Variants in EFCAB5 observed in about 807,000 individuals in gnomAD.
EFCAB5 encodes EF-hand calcium binding domain 5.
A neutral mutation model predicts 167.9 loss-of-function variants in EFCAB5; 131 were observed. The observed-to-expected ratio is 0.78, with a 90% CI of 0.68 to 0.90. The LOEUF is 0.90. EFCAB5 is among the 40% of genes least tolerant of loss of function. The pLI, the probability that EFCAB5 is intolerant of heterozygous loss-of-function variation, is 0.00. For synonymous variants in EFCAB5, 574 were observed against 602.8 expected, an observed-to-expected ratio of 0.95 and a Z score of 0.70; for missense variants, 1,663 against 1,745.2, an observed-to-expected ratio of 0.95 and a Z score of 0.84.
chr17:30,031,004 T>C (rs2069465860), intron 7 of EFCAB5, among the ~76,000 whole-genome samples: 1 of 152,194 alleles, frequency 6.6e-6, no homozygotes, highest in Admixed American at 6.5e-5. Context: ...TTAAAATTGG[T>C]GTTCTTCCAA....
intron 14 of EFCAB5, among the ~76,000 whole-genome samples, chr17:30,062,612 T>G (rs1459766514): frequency 6.6e-6 from 1 of 152,172 alleles, no homozygotes; most frequent in Non-Finnish European, 1.5e-5. Flanking sequence ...CTACACCAGC[T>G]TGGGATTGGA....
intron 7 of EFCAB5, among the ~76,000 whole-genome samples, chr17:30,026,953 C>G (rs570015946): frequency 6.2e-4 from 80 of 128,524 alleles, no homozygotes; most frequent in Middle Eastern, 5.1e-3. Context: ...CCTTGTACCT[C>G]CTTGTACCTT....
At chr17:30,090,885 A>T (rs1198028004) in intron 20 of EFCAB5, among the ~76,000 whole-genome samples, 3 of 152,216 alleles carry the variant, frequency 2.0e-5, no homozygotes, top group Non-Finnish European at 4.4e-5. Flanking sequence ...TCATGGTTAG[A>T]TTCCTACAGT....
chr17:30,054,242 T>A (rs948378709), intron 10 of EFCAB5, 94 bp downstream of exon 10: 7 of 1,430,966 alleles, frequency 4.9e-6, no homozygotes, highest in Admixed American at 5.8e-5. Flanking sequence ...TTAGAATTTT[T>A]TTTCTGGCAT....
chr17:30,026,831 C>T (rs1465033183), intron 7 of EFCAB5, among the ~76,000 whole-genome samples: 1 of 152,016 alleles, frequency 6.6e-6, no homozygotes, highest in East Asian at 1.9e-4. Context: ...CTACTTCAGT[C>T]TCCCAGAGTT....
chr17:30,055,913 A>G lies in EFCAB5; in HGVS notation c.2220A>G (p.Lys740=). Reference sequence around the variant, plus strand: ...AAACTACAAAAAAGGAAGTTCAGAAAGACAAGCCCTGTGAACCCAAGTCCC... The same window carrying G: ...AAACTACAAAAAAGGAAGTTCAGAAGGACAAGCCCTGTGAACCCAAGTCCC... The part of the protein sequence containing the change: ...FPETTKKEVQ[K]DKPCEPKSQK... The change falls in exon 11 of 23, where the codon AAA becomes AAG. Residue 740 remains lysine (K), a synonymous_variant. Transcript: ENST00000394835. The G allele has an allele frequency of 6.2e-7, 1 of 1,613,372 alleles. No homozygotes were observed. Among genetic ancestry groups the G allele is most frequent in the Non-Finnish European group, 8.5e-7 (1 of 1,179,694 alleles).
intron 7 of EFCAB5, among the ~76,000 whole-genome samples, chr17:30,003,611 C>T (rs2068714592): frequency 6.6e-6 from 1 of 150,920 alleles, no homozygotes; most frequent in South Asian, 2.1e-4. Flanking sequence ...ATCCTCCCAC[C>T]TCAGCCTCCT....
At chr17:30,067,424 G>T (rs896859571) in intron 14 of EFCAB5, among the ~76,000 whole-genome samples, 7 of 151,908 alleles carry the variant, frequency 4.6e-5, no homozygotes, top group African/African-American at 1.7e-4. Context: ...AGACTAGTCT[G>T]GGCAACATAA....
At chr17:30,012,147 A>G (rs1275857603) in intron 7 of EFCAB5, among the ~76,000 whole-genome samples, 2 of 152,226 alleles carry the variant, frequency 1.3e-5, no homozygotes, top group Non-Finnish European at 2.9e-5. Flanking sequence ...ATTGCCAGGC[A>G]GACCGTGGTC....
In EFCAB5 at chr17:29,985,596, A is replaced by G. The variant is rs952483313; in HGVS notation, c.768-7569A>G. Among the ~76,000 whole-genome samples, 3 of 152,354 alleles carry G rather than the reference A, an allele frequency of 2.0e-5. No homozygotes were observed. In the South Asian group the frequency reaches 6.2e-4, roughly 32 times the overall value. On this transcript the variant is annotated intron_variant, in intron 4 of 22. Coordinates refer to ENST00000394835, the MANE Select transcript of EFCAB5 (RefSeq NM_198529.4). ...TGTTTCTATGGATTGTAGGTTAACTAAAATGGGAAACAAAGGGATGGGCTG... is the reference window on the plus strand; with the variant it reads ...TGTTTCTATGGATTGTAGGTTAACTGAAATGGGAAACAAAGGGATGGGCTG...
At chr17:30,100,254 A>G (rs993307122) in intron 22 of EFCAB5, among the ~76,000 whole-genome samples, 1 of 152,216 alleles carries the variant, frequency 6.6e-6, no homozygotes, top group Non-Finnish European at 1.5e-5. Flanking sequence ...CCTAGGGTAC[A>G]GTAGTGAATG....
Position 30,071,782 on chromosome 17 carries a change from G to C in EFCAB5, c.2738-6433G>C, listed in dbSNP as rs531613475. On this transcript the variant is annotated intron_variant, in intron 14 of 22. Transcript: ENST00000394835. ...ACAGATGAATGGATAAAGAAAATTT[G>C]GTCTATATATACAATGGAATAGTAT... Among the ~76,000 whole-genome samples the C allele has an allele frequency of 2.0e-5, 3 of 152,094 alleles. No homozygotes were observed. The South Asian group carries it at 6.2e-4, about 32-fold the overall frequency.
chr17:29,933,695 G>A (rs2067221866), intron 1 of EFCAB5, among the ~76,000 whole-genome samples: 5 of 152,090 alleles, frequency 3.3e-5, no homozygotes, highest in Admixed American at 6.5e-5. Flanking sequence ...AAATTATAGG[G>A]GAGCTTGAAA....
chr17:30,023,540 T>C (rs1426597925), intron 7 of EFCAB5, among the ~76,000 whole-genome samples: 1 of 152,066 alleles, frequency 6.6e-6, no homozygotes, highest in African/African-American at 2.4e-5. Context: ...CAATAATCAA[T>C]AGCTTACCAA....
At chr17:30,102,274 AGTT>A (rs1214511341) in intron 22 of EFCAB5, among the ~76,000 whole-genome samples, 11 of 152,164 alleles carry the variant, frequency 7.2e-5, no homozygotes, top group Non-Finnish European at 1.6e-4. Context: ...TGGGAGAAGA[AGTT>A]GTTGGGACTT....
upstream of EFCAB5, among the ~76,000 whole-genome samples, chr17:29,937,754 T>C (rs913488321): frequency 2.0e-5 from 3 of 152,156 alleles, no homozygotes; most frequent in African/African-American, 7.2e-5. Context: ...CACAGGGTGG[T>C]TCTATAGCCC....
chr17:30,012,102 G>T (rs1465485558), intron 7 of EFCAB5, among the ~76,000 whole-genome samples: 1 of 152,198 alleles, frequency 6.6e-6, no homozygotes, highest in Non-Finnish European at 1.5e-5. Context: ...GGGCTCCTTG[G>T]TCTAGTGGTA....
intron 7 of EFCAB5, among the ~76,000 whole-genome samples, chr17:30,008,706 A>G (rs1390420916): frequency 2.0e-5 from 3 of 152,206 alleles, no homozygotes; most frequent in Non-Finnish European, 4.4e-5. Context: ...TATAAATAAA[A>G]GGTAAAAAAT....
rs1377182586 is a variant in EFCAB5, at chr17:29,942,280, C to G, written c.83C>G (p.Thr28Ser). 2 of 1,591,288 alleles carry G rather than the reference C, an allele frequency of 1.3e-6. No individual in the cohort carries two copies. Among genetic ancestry groups the G allele is most frequent in the Non-Finnish European group, 1.7e-6 (2 of 1,168,546 alleles). The change falls in exon 2 of 23, where the codon ACT becomes AGT. Residue 28 changes from threonine to serine, a missense_variant. Thr to Ser is a moderately conservative substitution (Grantham distance 58). Coordinates refer to ENST00000394835, the MANE Select transcript of EFCAB5 (RefSeq NM_198529.4). ...KEDKERKWNL[T>S]EVKELHETLQ... ...GACAAAGAGAGGAAATGGAACTTAA[C>G]TGAAGTGAAAGAGCTTCATGAGGTA...
Sources: gnomAD v4.1 joint callset for allele counts (sites outside exome capture counted in the v4.1 genomes callset) on GRCh38, gnomAD v4.1.1 for gene constraint, MANE v1.5 for transcripts, NCBI Gene and HGNC (gene_info 2026-07-23, HGNC 2026-07-21) for gene names.